Variants in SORCS2 observed in about 807,000 individuals in gnomAD.
SORCS2 encodes sortilin related VPS10 domain containing receptor 2, also known as VPS10 domain-containing receptor SorCS2.
A neutral mutation model predicts 141.6 loss-of-function variants in SORCS2; 100 were observed. That is an observed-to-expected ratio of 0.71 (90% CI 0.60 to 0.83). The LOEUF is 0.83. Among genes scored for constraint, SORCS2 ranks in the 40% least tolerant of loss-of-function variants. The pLI is 0.00. For missense variants in SORCS2, 1,646 were observed against 1,560.2 expected (o/e 1.05, Z -0.93); for synonymous variants, 789 against 676.9 (o/e 1.17, Z -2.57).
chr4:7,657,707 A>T (rs115589042), intron 5 of SORCS2, among the ~76,000 whole-genome samples: 1,760 of 151,968 alleles, frequency 0.012, 41 homozygotes, highest in African/African-American at 0.039. Flanking sequence ...TGAGTGAATG[A>T]GTGAGTAGCT....
intron 10 of SORCS2, among the ~76,000 whole-genome samples, chr4:7,683,450 G>A (rs538597143): frequency 1.3e-4 from 19 of 151,992 alleles, no homozygotes; most frequent in African/African-American, 4.1e-4. Flanking sequence ...CTCATGTCAG[G>A]GAATGGACTG....
At chr4:7,301,529 A>G (rs750141685) in intron 1 of SORCS2, among the ~76,000 whole-genome samples, 1 of 152,194 alleles carries the variant, frequency 6.6e-6, no homozygotes, top group African/African-American at 2.4e-5. Flanking sequence ...ACCCCTGAGT[A>G]TGGGCCCACA....
intron 1 of SORCS2, among the ~76,000 whole-genome samples, chr4:7,232,234 G>T (rs557723327): frequency 6.6e-6 from 1 of 152,284 alleles, no homozygotes; most frequent in Non-Finnish European, 1.5e-5. Flanking sequence ...GGCTTTGGCA[G>T]GATGGATGAG....
intron 3 of SORCS2, among the ~76,000 whole-genome samples, chr4:7,617,324 C>T (rs17465466): frequency 0.048 from 7,242 of 152,126 alleles, 196 homozygotes; most frequent in South Asian, 0.08. Flanking sequence ...ATATGGTATT[C>T]GTCTCTCCAT....
intron 1 of SORCS2, among the ~76,000 whole-genome samples, chr4:7,383,880 G>A (rs948263264): frequency 3.9e-5 from 6 of 152,194 alleles, no homozygotes; most frequent in African/African-American, 1.4e-4. Flanking sequence ...GACAGCTGAG[G>A]TGGAAAAGTC....
At position 7,192,723 on chromosome 4, in the gene SORCS2, C is replaced by A; in HGVS notation, c.77C>A (p.Pro26Gln). 3.0e-6 allele frequency: 3 copies of A among 990,042 alleles called. No homozygotes were observed. Among genetic ancestry groups the A allele is most frequent in the Non-Finnish European group, 3.6e-6 (3 of 834,642 alleles). 61.3% of individuals were successfully genotyped at this position (990,042 alleles called of 1,614,324 possible). ...TARAPSPGAP[P>Q]PPRSPRSRPL... ...CGAGCCCCGAGCCCCGGGGCTCCGC[C>A]GCCGCCGCGCTCGCCGCGCTCGCGG... The change falls in exon 1 of 27, where the codon CCG becomes CAG. Residue 26 changes from proline to glutamine, a missense_variant. By Grantham distance (76) the Pro-to-Gln change is moderately conservative. Transcript: ENST00000507866. The surrounding 1 kb of genome is among the most constrained non-coding windows in gnomAD (Gnocchi z 4.0).
chr4:7,674,422 A>T (rs1210467507), intron 8 of SORCS2, among the ~76,000 whole-genome samples: 2 of 149,114 alleles, frequency 1.3e-5, no homozygotes, highest in Non-Finnish European at 3.0e-5. Flanking sequence ...AAATACAAAA[A>T]ATTAGCTGGG....
intron 11 of SORCS2, 100 bp downstream of exon 11, chr4:7,689,688 T>C: frequency 1.8e-6 from 2 of 1,141,756 alleles, no homozygotes; most frequent in Non-Finnish European, 2.5e-6. Flanking sequence ...CCTGAGGCCA[T>C]AGTATGTCCT....
At chr4:7,734,167 C>A in intron 24 of SORCS2, 105 bp from the exon 25 acceptor site, 1 of 421,484 alleles carries the variant, frequency 2.4e-6, no homozygotes, top group Admixed American at 5.7e-5. Context: ...TGGGGATGGG[C>A]GGGGGACAGG....
chr4:7,476,368 G>C (rs1730291655), intron 2 of SORCS2, among the ~76,000 whole-genome samples: 1 of 152,210 alleles, frequency 6.6e-6, no homozygotes. Context: ...GCCCACGTCT[G>C]ACTGGGGCTG....
At chr4:7,297,064 T>G (rs1215677237) in intron 1 of SORCS2, among the ~76,000 whole-genome samples, 1 of 151,258 alleles carries the variant, frequency 6.6e-6, no homozygotes, top group African/African-American at 2.4e-5. Context: ...AAGACTCAGT[T>G]GACCTCTCTC....
In SORCS2 at chr4:7,703,042, A is replaced by G. The variant is rs547606538; in HGVS notation, c.1669-238A>G. On this transcript the variant is annotated intron_variant, in intron 12 of 26. Coordinates refer to ENST00000507866, the MANE Select transcript of SORCS2 (RefSeq NM_020777.3). ...GTGCTCATTTGCAGTTTCCTTGTTCAGGTCGATAGGGTAGAAGTTGCTGTC... is the reference window on the plus strand; with the variant it reads ...GTGCTCATTTGCAGTTTCCTTGTTCGGGTCGATAGGGTAGAAGTTGCTGTC... Among the ~76,000 whole-genome samples the G allele has an allele frequency of 1.5e-3, 228 of 152,318 alleles. 2 individuals are homozygous for G. Among genetic ancestry groups the G allele is most frequent in the Non-Finnish European group, 2.5e-3 (172 of 68,034 alleles).
At chr4:7,556,882 A>G (rs974481010) in intron 3 of SORCS2, among the ~76,000 whole-genome samples, 3 of 141,628 alleles carry the variant, frequency 2.1e-5, no homozygotes, top group African/African-American at 8.1e-5. Context: ...TCCATCCACC[A>G]TCCACCCACC....
At chr4:7,281,948 C>T (rs1032264148) in intron 1 of SORCS2, among the ~76,000 whole-genome samples, 3 of 152,212 alleles carry the variant, frequency 2.0e-5, no homozygotes, top group African/African-American at 4.8e-5. Flanking sequence ...CCTGGGCACA[C>T]GCCAGTGTGT....
chr4:7,697,090 C>G, intron 11 of SORCS2, 108 bp from the exon 12 acceptor site: 1 of 885,420 alleles, frequency 1.1e-6, no homozygotes, highest in Non-Finnish European at 1.8e-6. Flanking sequence ...GATATGGAGA[C>G]CCGGGGCACT....
intron 2 of SORCS2, among the ~76,000 whole-genome samples, chr4:7,494,151 G>A (rs1560330650): frequency 1.3e-5 from 2 of 152,182 alleles, no homozygotes; most frequent in Admixed American, 6.5e-5. Flanking sequence ...AATATAGTTC[G>A]TATCTTTTGT....
chr4:7,653,688 G>C (rs941980263), intron 4 of SORCS2, among the ~76,000 whole-genome samples: 3 of 152,168 alleles, frequency 2.0e-5, no homozygotes, highest in African/African-American at 7.2e-5. Context: ...CAGCCCACCT[G>C]CGCCTGCACT....
intron 3 of SORCS2, among the ~76,000 whole-genome samples, chr4:7,590,149 G>C (rs541387741): frequency 6.6e-6 from 1 of 152,306 alleles, no homozygotes; most frequent in African/African-American, 2.4e-5. Context: ...ACCCTGCCAG[G>C]GTACTGCCTT....
intron 1 of SORCS2, among the ~76,000 whole-genome samples, chr4:7,217,797 G>A (rs1003210538): frequency 3.3e-5 from 5 of 152,224 alleles, no homozygotes; most frequent in Non-Finnish European, 7.3e-5. Context: ...GAAGCCTGTG[G>A]GGTGAAGCTC....
Sources: allele counts gnomAD v4.1 joint callset (sites outside exome capture counted in the v4.1 genomes callset), GRCh38; gene constraint gnomAD v4.1.1; non-coding constraint Gnocchi (gnomAD v3.1); transcripts MANE v1.5; gene names NCBI Gene and HGNC (gene_info 2026-07-23, HGNC 2026-07-21).